Variants in HIP1 observed in about 807,000 individuals in gnomAD.
HIP1 encodes the protein huntingtin-interacting protein 1.
HIP1 carries 65 observed loss-of-function variants against 147.6 expected under a neutral mutation model. The ratio of observed to expected loss-of-function variants is 0.44; its 90% CI spans 0.36 to 0.54. The LOEUF is 0.54. Among genes scored for constraint, HIP1 ranks in the 20% least tolerant of loss-of-function variants. The probability of loss-of-function intolerance (pLI) is 0.00; values close to 1 mark genes in which losing one functional copy is unlikely to be tolerated. For synonymous variants in HIP1, 479 were observed against 504.0 expected (o/e 0.95, Z 0.67); for missense variants, 1,061 against 1,299.6 (o/e 0.82, Z 2.82).
intron 1 of HIP1, among the ~76,000 whole-genome samples, chr7:75,650,413 G>A (rs1290781382): frequency 1.2e-4 from 18 of 151,054 alleles, no homozygotes; most frequent in Non-Finnish European, 1.9e-4. Context: ...CTGCTTCTCC[G>A]CTGGAGGACA....
intron 6 of HIP1, 70 bp from the exon 7 acceptor site, chr7:75,581,368 A>C: frequency 9.4e-7 from 1 of 1,065,318 alleles, no homozygotes; most frequent in Non-Finnish European, 1.4e-6. Flanking sequence ...CCCCTCCCCC[A>C]CGCTCTACGC....
At chr7:75,649,637 C>T (rs1198287476) in intron 1 of HIP1, among the ~76,000 whole-genome samples, 2 of 152,146 alleles carry the variant, frequency 1.3e-5, no homozygotes, top group African/African-American at 2.4e-5. Context: ...TCAGCCTGGG[C>T]ATCAGAACTT....
At chr7:75,548,194 A>G (rs782380826) in intron 23 of HIP1, among the ~76,000 whole-genome samples, 5 of 152,192 alleles carry the variant, frequency 3.3e-5, no homozygotes, top group Middle Eastern at 6.8e-3. Context: ...ACGCCCAGCT[A>G]ATTTTTGTAT....
intron 2 of HIP1, among the ~76,000 whole-genome samples, chr7:75,594,624 A>G (rs1796621384): frequency 6.6e-6 from 1 of 151,986 alleles, no homozygotes; most frequent in Non-Finnish European, 1.5e-5. Flanking sequence ...AAGTACAAAA[A>G]TTAGCCGGGC....
chr7:75,643,036 G>A (rs993776754), intron 1 of HIP1, among the ~76,000 whole-genome samples: 5 of 152,218 alleles, frequency 3.3e-5, no homozygotes, highest in Admixed American at 2.6e-4. Flanking sequence ...AATTCGTACA[G>A]AAGGTGAGGT....
Position 75,537,746 on chromosome 7 carries a change from CAGAAA to C in HIP1, c.*421_*425del, listed in dbSNP as rs1177419677. The C allele has an allele frequency of 3.9e-5, 10 of 254,574 alleles. No individual in the cohort carries two copies. The South Asian group carries it at 1.2e-3, about 32-fold the overall frequency. The allele number at this position is 254,574 out of a possible 1,614,324, so 15.8% of individuals were successfully genotyped here. A position where few individuals can be genotyped will look rare whatever the true frequency, so the allele number is the denominator to read the frequency against. On this transcript the variant is annotated 3_prime_UTR_variant, in exon 31 of 31. Transcript: ENST00000336926. ...GAAACTGAAAAGACTGAGAAGAAAA[CAGAAA>C]AGAAAAGGCATAAGATCTTCCCTTT...
rs1404756655 is a variant in HIP1, at chr7:75,536,418, C to A, written c.*1754G>T. On this transcript the variant is annotated 3_prime_UTR_variant, in exon 31 of 31. Transcript: ENST00000336926. ...AGAAGTCTCACAACCCGTCATGTAG[C>A]AAAACCTAGCAATATTCTGTTGGAG... The A allele has an allele frequency of 3.5e-5, 8 of 227,666 alleles. No individual in the cohort carries two copies. The highest frequency in any genetic ancestry group is 6.1e-5 in the Non-Finnish European group (7 of 114,474). 14.1% of individuals were successfully genotyped at this position (227,666 alleles called of 1,614,324 possible).
At chr7:75,656,874 G>A (rs1403898130) in intron 1 of HIP1, among the ~76,000 whole-genome samples, 1 of 152,094 alleles carries the variant, frequency 6.6e-6, no homozygotes, top group East Asian at 1.9e-4. Flanking sequence ...AATCTGGCAG[G>A]GTCTAATAAA....
intron 1 of HIP1, among the ~76,000 whole-genome samples, chr7:75,735,270 G>C (rs553121754): frequency 3.3e-5 from 5 of 152,270 alleles, no homozygotes; most frequent in African/African-American, 1.2e-4. Flanking sequence ...AGTACTCAGA[G>C]GCTGCCTGAG....
At chr7:75,572,095 A>C (rs962006993) in intron 8 of HIP1, among the ~76,000 whole-genome samples, 1 of 152,118 alleles carries the variant, frequency 6.6e-6, no homozygotes, top group Admixed American at 6.5e-5. Flanking sequence ...GTGCCAGCAC[A>C]GACCTGTGGT....
intron 1 of HIP1, among the ~76,000 whole-genome samples, chr7:75,671,184 C>G (rs1364621872): frequency 2.0e-5 from 3 of 152,144 alleles, no homozygotes; most frequent in Non-Finnish European, 4.4e-5. Context: ...ACCTCCCCCT[C>G]CCGGGTTCGA....
chr7:75,672,326 T>TG, intron 1 of HIP1, among the ~76,000 whole-genome samples: 1 of 29,402 alleles, frequency 3.4e-5, no homozygotes, highest in East Asian at 7.6e-4. Context: ...TTTTACATTC[T>TG]TTTTTTTTTT....
At chr7:75,703,613 A>C (rs1381501662) in intron 1 of HIP1, among the ~76,000 whole-genome samples, 1 of 152,064 alleles carries the variant, frequency 6.6e-6, no homozygotes, top group Admixed American at 6.6e-5. Flanking sequence ...AAAAAAAAAA[A>C]CAAAACAAAA....
intron 1 of HIP1, among the ~76,000 whole-genome samples, chr7:75,734,329 C>G (rs551739543): frequency 6.6e-6 from 1 of 151,910 alleles, no homozygotes; most frequent in East Asian, 1.9e-4. Flanking sequence ...CTCCTGTAGT[C>G]CCAGCACTCA....
intron 2 of HIP1, among the ~76,000 whole-genome samples, chr7:75,593,921 G>C (rs186391198): frequency 6.7e-6 from 1 of 149,574 alleles, no homozygotes; most frequent in Non-Finnish European, 1.5e-5. Flanking sequence ...TCCTGGAACC[G>C]CTTCTCCCCA....
intron 1 of HIP1, among the ~76,000 whole-genome samples, chr7:75,717,598 A>T (rs1291977863): frequency 1.3e-5 from 2 of 151,380 alleles, no homozygotes; most frequent in African/African-American, 4.9e-5. Flanking sequence ...CTAGGAGGCC[A>T]AGGCAGGCAG....
chr7:75,609,906 T>TTC (rs1554504538), intron 1 of HIP1, among the ~76,000 whole-genome samples: 2 of 147,690 alleles, frequency 1.4e-5, no homozygotes, highest in South Asian at 2.1e-4. Context: ...TTCTTTTCTT[T>TTC]TTTTTTTTTT....
Position 75,553,428 on chromosome 7 carries a change from T to C in HIP1, c.2295+25A>G. On this transcript the variant is annotated intron_variant, in intron 22 of 30. Coordinates refer to ENST00000336926, the MANE Select transcript of HIP1 (RefSeq NM_005338.7). ...CGCACACCCAGAAGAATAACAATGC[T>C]CCTCAATGATACTACTCCAAGTACC... 1.9e-6 allele frequency: 3 copies of C among 1,610,422 alleles called. No homozygotes were observed. In the Admixed American group the frequency reaches 5.0e-5, roughly 27 times the overall value.
intron 1 of HIP1, among the ~76,000 whole-genome samples, chr7:75,653,790 T>C (rs1018422300): frequency 1.3e-5 from 2 of 152,146 alleles, no homozygotes; most frequent in Non-Finnish European, 2.9e-5. Context: ...CACTGAGTGA[T>C]CGCTGGGGCC....
Sources: allele counts gnomAD v4.1 joint callset (sites outside exome capture counted in the v4.1 genomes callset), GRCh38; gene constraint gnomAD v4.1.1; transcripts MANE v1.5; gene names NCBI Gene and HGNC (gene_info 2026-07-23, HGNC 2026-07-21).